Variants in PTPRF observed in about 807,000 individuals in gnomAD.
The protein encoded by PTPRF is receptor-type tyrosine-protein phosphatase F.
A neutral mutation model predicts 201.8 loss-of-function variants in PTPRF; 59 were observed. The observed-to-expected ratio is 0.29, with a 90% CI of 0.24 to 0.36. PTPRF has a LOEUF of 0.36. PTPRF is among the 10% of genes least tolerant of loss of function. The pLI is 1.00. For missense variants in PTPRF, 2,132 were observed against 2,690.5 expected (o/e 0.79, Z 4.59); for synonymous variants, 1,088 against 1,089.7 (o/e 1.00, Z 0.03).
At chr1:43,599,262 G>A (rs907909286) in intron 13 of PTPRF, among the ~76,000 whole-genome samples, 1 of 152,152 alleles carries the variant, frequency 6.6e-6, no homozygotes, top group East Asian at 1.9e-4. Flanking sequence ...TTTTAGTAGA[G>A]ACAGGGTTTC....
rs543396657 is a variant in PTPRF, at chr1:43,537,777, T to C, written c.-125-421T>C. Among the ~76,000 whole-genome samples, 1 of 152,298 alleles carries C rather than the reference T, an allele frequency of 6.6e-6. No individual in the cohort carries two copies. The highest frequency in any genetic ancestry group is 2.1e-4 in the South Asian group (1 of 4,826). On this transcript the variant is annotated intron_variant, in intron 1 of 33. Transcript: ENST00000359947. This position sits in a 1 kb window ranked among gnomAD's most constrained non-coding sequence, Gnocchi z 4.8. ...CAAGGCTGGGAGACAGGAAGAAATT[T>C]GGCACATTTGAGGATCAGAAGAGGA... is the stretch of plus-strand genomic sequence containing the variant.
At chr1:43,619,226 G>T in intron 27 of PTPRF, 24 bp downstream of exon 27, 1 of 1,606,258 alleles carries the variant, frequency 6.2e-7, no homozygotes, top group East Asian at 2.2e-5. Flanking sequence ...GTGCCACCCA[G>T]AGGGGTGGGT....
chr1:43,536,708 G>T (rs1385515134), intron 1 of PTPRF, among the ~76,000 whole-genome samples: 2 of 152,202 alleles, frequency 1.3e-5, no homozygotes, highest in Non-Finnish European at 2.9e-5. Context: ...AGACCTGCTG[G>T]GCAGCCTGTA....
intron 13 of PTPRF, among the ~76,000 whole-genome samples, chr1:43,600,634 A>T (rs566733062): frequency 4.0e-5 from 6 of 151,712 alleles, no homozygotes; most frequent in Admixed American, 3.9e-4. Context: ...TGCCTGAAGG[A>T]ACTATGTGGT....
At chr1:43,616,077 A>G (rs1388168304) in intron 23 of PTPRF, among the ~76,000 whole-genome samples, 1 of 152,022 alleles carries the variant, frequency 6.6e-6, no homozygotes. Flanking sequence ...TGACAGCACC[A>G]GAGCAGCCTG....
At chr1:43,591,610 G>T in intron 9 of PTPRF, 57 bp downstream of exon 9, 1 of 1,491,600 alleles carries the variant, frequency 6.7e-7, no homozygotes. Context: ...GGCTGAGGTT[G>T]TGGCGGTGCC....
intron 24 of PTPRF, 46 bp downstream of exon 24, chr1:43,617,614 C>T (rs923980197): frequency 6.2e-7 from 1 of 1,611,344 alleles, no homozygotes; most frequent in Non-Finnish European, 8.5e-7. Flanking sequence ...CTCCCCCTTG[C>T]TAGCTAGGGC....
Position 43,553,743 on chromosome 1 carries a change from C to A in PTPRF, c.238-57C>A. The A allele has an allele frequency of 1.2e-6, 2 of 1,611,478 alleles. No individual in the cohort carries two copies. Among genetic ancestry groups the A allele is most frequent in the Non-Finnish European group, 1.7e-6 (2 of 1,178,472 alleles). ...TTTTGGAGGTGGGAGGACAACTGAC[C>A]CTGAGCAGGCTCCTGTGTCCTGAGT... On this transcript the variant is annotated intron_variant, in intron 4 of 33. Transcript: ENST00000359947. This position sits in a 1 kb window ranked among gnomAD's most constrained non-coding sequence, Gnocchi z 4.1.
intron 6 of PTPRF, among the ~76,000 whole-genome samples, chr1:43,577,648 G>T (rs535745259): frequency 2.0e-5 from 3 of 152,136 alleles, no homozygotes; most frequent in Non-Finnish European, 4.4e-5. Context: ...GTCCAGGCAG[G>T]GGGGGCCCGG....
chr1:43,610,916 T>C, intron 22 of PTPRF, among the ~76,000 whole-genome samples: 1 of 152,252 alleles, frequency 6.6e-6, no homozygotes, highest in East Asian at 1.9e-4. Context: ...CCCATTTATT[T>C]ATATGCTACC....
chr1:43,614,467 TC>T (rs934766807), intron 23 of PTPRF, among the ~76,000 whole-genome samples: 3 of 152,156 alleles, frequency 2.0e-5, no homozygotes, highest in African/African-American at 7.2e-5. Context: ...TCTGAGGGTT[TC>T]CCACCCACAG....
Position 43,553,058 on chromosome 1 carries a change from G to A in PTPRF, c.92-434G>A, listed in dbSNP as rs1421620556. Among the ~76,000 whole-genome samples the A allele has an allele frequency of 6.6e-6, 1 of 152,146 alleles. No individual in the cohort carries two copies. The highest frequency in any genetic ancestry group is 6.5e-5 in the Admixed American group (1 of 15,284). On this transcript the variant is annotated intron_variant, in intron 3 of 33. Coordinates refer to ENST00000359947, the MANE Select transcript of PTPRF (RefSeq NM_002840.5). This position sits in a 1 kb window ranked among gnomAD's most constrained non-coding sequence, Gnocchi z 4.1. The stretch of plus-strand genomic sequence containing the variant: ...GGTGCCATCACTGAGATGGAGAGCA[G>A]GGGGAGGGACAACTCTCAGGGAGAG...
At position 43,604,072 on chromosome 1, in the gene PTPRF, A is replaced by C; in HGVS notation, c.2920A>C (p.Thr974Pro). 6.2e-7 allele frequency: 1 copy of C among 1,614,106 alleles called. No homozygotes were observed. ...GAACATCACGACAGACACCCGCTTT[A>C]CCCTTACTGGCCTCAAGCCAGACAC... ...LQNITTDTRF[T>P]LTGLKPDTTY... The change falls in exon 16 of 34, where the codon ACC becomes CCC. Residue 974 changes from threonine to proline, a missense_variant. By Grantham distance (38) the Thr-to-Pro change is conservative. Around this residue, in one of 6 missense-constraint regions of PTPRF, gnomAD observed 818 missense variants for 915.3 expected, o/e 0.89. Coordinates refer to ENST00000359947, the MANE Select transcript of PTPRF (RefSeq NM_002840.5).
At position 43,620,407 on chromosome 1, in the gene PTPRF, C is replaced by G. The variant is rs771592043; in HGVS notation, c.5239-47C>G. On this transcript the variant is annotated intron_variant, in intron 30 of 33. Transcript: ENST00000359947. The stretch of plus-strand genomic sequence containing the variant: ...ATCCTGTGAAGCCTGGCACCCCTCC[C>G]CTATTCCTTCTCACCTGATTATGGG... 18 of 1,568,452 alleles carry G rather than the reference C, an allele frequency of 1.1e-5. No homozygotes were observed. The East Asian group carries it at 1.8e-4, about 16-fold the overall frequency.
At chr1:43,618,954 A>G (rs956678642) in intron 26 of PTPRF, 94 bp from the exon 27 acceptor site, 17 of 1,447,196 alleles carry the variant, frequency 1.2e-5, no homozygotes, top group Non-Finnish European at 1.6e-5. Flanking sequence ...CCCATGGGGA[A>G]GTGGCGGGTA....
rs997122795 is a variant in PTPRF at position 43,546,473 on chromosome 1, C to T, written c.91+1307C>T. Among the ~76,000 whole-genome samples the T allele has an allele frequency of 1.3e-5, 2 of 152,080 alleles. No individual in the cohort carries two copies. The highest frequency in any genetic ancestry group is 4.8e-5 in the African/African-American group (2 of 41,400). ...GCAGGGGCAGGTTGGAGTAGAAAGC[C>T]TTATCAGGTGTGACCCACATGGTTG... On this transcript the variant is annotated intron_variant, in intron 3 of 33. Coordinates refer to ENST00000359947, the MANE Select transcript of PTPRF (RefSeq NM_002840.5). This position sits in a 1 kb window ranked among gnomAD's most constrained non-coding sequence, Gnocchi z 4.2.
intron 7 of PTPRF, chr1:43,580,149 C>T (rs374014880): frequency 6.6e-6 from 1 of 151,826 alleles, no homozygotes; most frequent in Non-Finnish European, 1.5e-5. Context: ...GATTCCATCA[C>T]GCCAAGTGCT....
In PTPRF at chr1:43,569,578, G is replaced by A. The variant is rs1273259092; in HGVS notation, c.380-12G>A. On this transcript the variant is annotated splice_polypyrimidine_tract_variant and intron_variant, in intron 5 of 33. Transcript: ENST00000359947. ...AGCCAGCCCTAATACACACATTGCTGTTTGTCTGCAGAGGAACAGCTGCCC... is the reference window on the plus strand; with the variant it reads ...AGCCAGCCCTAATACACACATTGCTATTTGTCTGCAGAGGAACAGCTGCCC... The A allele has an allele frequency of 9.4e-6, 15 of 1,591,944 alleles. No individual in the cohort carries two copies. Among genetic ancestry groups the A allele is most frequent in the African/African-American group, 1.3e-5 (1 of 74,600 alleles).
intron 6 of PTPRF, among the ~76,000 whole-genome samples, 179 bp from the exon 7 acceptor site, chr1:43,578,631 G>A (rs1647097132): frequency 6.6e-6 from 1 of 152,198 alleles, no homozygotes; most frequent in Admixed American, 6.5e-5. Context: ...GTTCTAGACA[G>A]GAGGCCACTG....
Sources: allele counts gnomAD v4.1 joint callset (sites outside exome capture counted in the v4.1 genomes callset), GRCh38; gene constraint gnomAD v4.1.1; regional missense constraint gnomAD v4.1.1; non-coding constraint Gnocchi (gnomAD v3.1); transcripts MANE v1.5; gene names NCBI Gene and HGNC (gene_info 2026-07-23, HGNC 2026-07-21).